TECRL: variants seen among roughly 807,000 people sequenced by gnomAD.
The protein encoded by TECRL is trans-2,3-enoyl-CoA reductase like.
TECRL carries 63 observed loss-of-function variants against 52.8 expected under a neutral mutation model. That is an observed-to-expected ratio of 1.19 (90% CI 0.97 to 1.47). The LOEUF (loss-of-function observed/expected upper bound fraction) is 1.47, where lower values mean the gene tolerates loss of function less well. Among genes scored for constraint, TECRL ranks in the 40% most tolerant of loss-of-function variants. The pLI is 0.00. For synonymous variants in TECRL, 164 were observed against 141.9 expected (o/e 1.16, Z -1.10); for missense variants, 482 against 429.6 (o/e 1.12, Z -1.08).
At chr4:64,331,594 T>A (rs756647217) in intron 2 of TECRL, among the ~76,000 whole-genome samples, 1 of 151,982 alleles carries the variant, frequency 6.6e-6, no homozygotes, top group African/African-American at 2.4e-5. Flanking sequence ...CCTAAATCAC[T>A]TAAAGATGAT....
chr4:64,383,358 C>CT (rs964759003), intron 1 of TECRL, among the ~76,000 whole-genome samples: 7 of 151,604 alleles, frequency 4.6e-5, no homozygotes, highest in African/African-American at 1.2e-4. Flanking sequence ...AGTTTCTATG[C>CT]TTTTTTTTGT....
At chr4:64,355,609 G>C (rs1488490843) in intron 2 of TECRL, among the ~76,000 whole-genome samples, 1 of 151,450 alleles carries the variant, frequency 6.6e-6, no homozygotes, top group African/African-American at 2.4e-5. Context: ...CCATCCTGGC[G>C]AACACAGTGA....
At chr4:64,403,939 A>T (rs1452709037) in intron 1 of TECRL, among the ~76,000 whole-genome samples, 2 of 152,046 alleles carry the variant, frequency 1.3e-5, no homozygotes, top group Non-Finnish European at 2.9e-5. Flanking sequence ...TGGCCATTCT[A>T]AGGCAGATAC....
intron 2 of TECRL, among the ~76,000 whole-genome samples, chr4:64,352,996 G>A (rs1419990557): frequency 2.6e-5 from 4 of 152,166 alleles, no homozygotes; most frequent in Non-Finnish European, 5.9e-5. Flanking sequence ...TTGGATTACA[G>A]GCACAAGCCA....
chr4:64,353,317 A>G (rs1259659358), intron 2 of TECRL, among the ~76,000 whole-genome samples: 2 of 152,192 alleles, frequency 1.3e-5, no homozygotes, highest in Non-Finnish European at 2.9e-5. Flanking sequence ...CTTCAACTTG[A>G]TGCTAGAGGT....
At chr4:64,355,504 A>G (rs1478080555) in intron 2 of TECRL, among the ~76,000 whole-genome samples, 3 of 152,138 alleles carry the variant, frequency 2.0e-5, no homozygotes, top group African/African-American at 4.8e-5. Context: ...ATTATTAAGA[A>G]TAAGTTAAAA....
At chr4:64,306,661 T>G (rs1724357774) in intron 6 of TECRL, among the ~76,000 whole-genome samples, 1 of 152,176 alleles carries the variant, frequency 6.6e-6, no homozygotes, top group Admixed American at 6.6e-5. Context: ...TTAGAGAGTT[T>G]CCTTTCTCCA....
At chr4:64,285,112 T>C (rs1414222258) in intron 9 of TECRL, among the ~76,000 whole-genome samples, 3 of 152,142 alleles carry the variant, frequency 2.0e-5, no homozygotes, top group Non-Finnish European at 2.9e-5. Context: ...ATATATACTT[T>C]GTAGTTTGCA....
intron 1 of TECRL, among the ~76,000 whole-genome samples, chr4:64,396,275 A>G (rs1342063584): frequency 6.6e-6 from 1 of 152,168 alleles, no homozygotes; most frequent in African/African-American, 2.4e-5. Flanking sequence ...GAATGAATGT[A>G]CATTTCCACC....
chr4:64,349,400 G>A lies in TECRL; in HGVS notation c.287-20844C>T, dbSNP rs142007005. 4.5e-3 allele frequency among the ~76,000 whole-genome samples: 681 copies of A among 152,116 alleles called. 3 individuals are homozygous for A. Among genetic ancestry groups the A allele is most frequent in the African/African-American group, 0.016 (645 of 41,496 alleles). On this transcript the variant is annotated intron_variant, in intron 2 of 11. Transcript: ENST00000381210. ...CCCACCGCGGCCTCCCAAAGTGCTA[G>A]GATTATAGGTGTGAGCCACCTCCCC... is the stretch of plus-strand genomic sequence containing the variant.
chr4:64,348,361 C>T (rs1250524866), intron 2 of TECRL, among the ~76,000 whole-genome samples: 1 of 152,094 alleles, frequency 6.6e-6, no homozygotes, highest in East Asian at 1.9e-4. Flanking sequence ...CAAGAAAGCA[C>T]CCCCAGGATC....
chr4:64,360,584 A>C (rs1292311672), intron 2 of TECRL, among the ~76,000 whole-genome samples: 2 of 152,132 alleles, frequency 1.3e-5, no homozygotes, highest in Non-Finnish European at 2.9e-5. Flanking sequence ...GACAGACCAG[A>C]CCATCAAGTA....
intron 3 of TECRL, among the ~76,000 whole-genome samples, chr4:64,325,243 CA>C (rs796419628): frequency 2.1e-4 from 32 of 152,290 alleles, no homozygotes; most frequent in African/African-American, 7.7e-4. Context: ...ACATAAAATG[CA>C]AAAGGGTGCT....
At chr4:64,397,325 C>G (rs1476394664) in intron 1 of TECRL, among the ~76,000 whole-genome samples, 5 of 151,822 alleles carry the variant, frequency 3.3e-5, no homozygotes, top group African/African-American at 4.8e-5. Flanking sequence ...ATAAGTTTGC[C>G]TAACCTATGT....
At chr4:64,394,446 G>T (rs1344501468) in intron 1 of TECRL, among the ~76,000 whole-genome samples, 1 of 152,090 alleles carries the variant, frequency 6.6e-6, no homozygotes, top group Admixed American at 6.6e-5. Context: ...TCATTCCACA[G>T]ACTTTAATGT....
At chr4:64,383,784 T>C (rs1393654203) in intron 1 of TECRL, among the ~76,000 whole-genome samples, 1 of 152,128 alleles carries the variant, frequency 6.6e-6, no homozygotes, top group Non-Finnish European at 1.5e-5. Flanking sequence ...ACATTTCTTG[T>C]CATGATTTCT....
At chr4:64,379,309 G>A (rs1722621038) in intron 1 of TECRL, among the ~76,000 whole-genome samples, 1 of 149,806 alleles carries the variant, frequency 6.7e-6, no homozygotes, top group Non-Finnish European at 1.5e-5. Flanking sequence ...ACAATGCAGA[G>A]GTGCCAACCC....
chr4:64,294,672 C>T (rs1050071953), intron 8 of TECRL, among the ~76,000 whole-genome samples: 22 of 152,056 alleles, frequency 1.4e-4, no homozygotes, highest in South Asian at 2.1e-4. Context: ...AATTGTAAAT[C>T]TGTGTAGTAT....
chr4:64,406,121 G>T (rs1724699189), intron 1 of TECRL, among the ~76,000 whole-genome samples: 1 of 150,364 alleles, frequency 6.7e-6, no homozygotes, highest in African/African-American at 2.4e-5. Context: ...GACAGCAGAG[G>T]CAAGAGAAAG....
Sources: allele counts gnomAD v4.1 joint callset (sites outside exome capture counted in the v4.1 genomes callset), GRCh38; gene constraint gnomAD v4.1.1; transcripts MANE v1.5; gene names NCBI Gene and HGNC (gene_info 2026-07-23, HGNC 2026-07-21).